MED13L: variants seen among roughly 807,000 people sequenced by gnomAD.
MED13L encodes mediator of RNA polymerase II transcription subunit 13-like.
A neutral mutation model predicts 220.9 loss-of-function variants in MED13L; 7 were observed. That is an observed-to-expected ratio of 0.03 (90% CI 0.02 to 0.06). MED13L has a LOEUF of 0.06. Ranked by LOEUF, MED13L falls within the 10% of genes least tolerant of loss-of-function variation. The pLI, the probability that MED13L is intolerant of heterozygous loss-of-function variation, is 1.00. For synonymous variants in MED13L, 1,011 were observed against 1,015.2 expected (o/e 1.00, Z 0.08); for missense variants, 1,965 against 2,760.5 (o/e 0.71, Z 6.46).
At chr12:116,089,275 C>T (rs1871981676) in intron 4 of MED13L, among the ~76,000 whole-genome samples, 3 of 152,132 alleles carry the variant, frequency 2.0e-5, no homozygotes, top group Non-Finnish European at 4.4e-5. Flanking sequence ...GACTTGAACT[C>T]CTGAACTCCT....
At chr12:116,111,301 T>C (rs745820979) in intron 3 of MED13L, 127 bp downstream of exon 3, 1 of 772,394 alleles carries the variant, frequency 1.3e-6, no homozygotes, top group Non-Finnish European at 2.2e-6. Flanking sequence ...AACTAAAGAT[T>C]TATGTAATTT....
chr12:116,031,601 G>GAGAGA (rs1022764697), intron 4 of MED13L, among the ~76,000 whole-genome samples: 2 of 107,302 alleles, frequency 1.9e-5, no homozygotes, highest in Non-Finnish European at 3.6e-5. Flanking sequence ...AAAAAAAGAA[G>GAGAGA]AGAGAAGAGA....
chr12:116,271,904 A>G (rs555049230), intron 1 of MED13L, among the ~76,000 whole-genome samples: 1 of 151,880 alleles, frequency 6.6e-6, no homozygotes, highest in African/African-American at 2.4e-5. Flanking sequence ...TTTCAAAAAA[A>G]ACACACACAC....
intron 9 of MED13L, among the ~76,000 whole-genome samples, chr12:116,010,142 A>C (rs533359561): frequency 6.6e-6 from 1 of 152,282 alleles, no homozygotes; most frequent in African/African-American, 2.4e-5. Flanking sequence ...GCCATTAAAG[A>C]GTGGAAGGAG....
chr12:115,983,351 G>A lies in MED13L; in HGVS notation c.4721C>T (p.Ala1574Val). 1.2e-6 allele frequency: 2 copies of A among 1,614,202 alleles called. No homozygotes were observed. The highest frequency in any genetic ancestry group is 1.7e-6 in the Non-Finnish European group (2 of 1,180,024). The part of the protein sequence containing the change: ...PTSNSSSTNP[A>V]ASSSASGSSV... ...GGAACCAGATGCAGAACTACTTGCTGCAGGATTTGTAGAACTACTATTCGA... is the reference window on the plus strand; with the variant it reads ...GGAACCAGATGCAGAACTACTTGCTACAGGATTTGTAGAACTACTATTCGA... Residue 1574 changes from alanine to valine, a missense_variant, in exon 21 of 31, where the codon GCA becomes GTA. Physicochemically the swap from Ala to Val is moderately conservative, Grantham distance 64. This residue lies in a region of MED13L where 510 missense variants were observed against 620.4 expected (regional missense o/e 0.82). Coordinates refer to ENST00000281928, the MANE Select transcript of MED13L (RefSeq NM_015335.5).
At chr12:116,236,494 T>C (rs1409276636) in intron 2 of MED13L, among the ~76,000 whole-genome samples, 1 of 151,940 alleles carries the variant, frequency 6.6e-6, no homozygotes, top group Non-Finnish European at 1.5e-5. Flanking sequence ...CAGTTAGTTT[T>C]ACTCCTTCCT....
intron 4 of MED13L, among the ~76,000 whole-genome samples, chr12:116,051,893 GA>G (rs1456551838): frequency 3.3e-5 from 5 of 152,146 alleles, no homozygotes; most frequent in African/African-American, 1.2e-4. Flanking sequence ...CAAGCTGACT[GA>G]TATGAATGCA....
chr12:116,087,498 C>A (rs1871797097), intron 4 of MED13L, among the ~76,000 whole-genome samples: 1 of 152,148 alleles, frequency 6.6e-6, no homozygotes, highest in Non-Finnish European at 1.5e-5. Context: ...ACAATGCTTT[C>A]CCCCTGCTGC....
At chr12:116,053,646 G>A (rs1346484152) in intron 4 of MED13L, among the ~76,000 whole-genome samples, 1 of 152,118 alleles carries the variant, frequency 6.6e-6, no homozygotes, top group Non-Finnish European at 1.5e-5. Context: ...AGGAAGGGGA[G>A]GGAGCTAAAG....
chr12:116,010,637 T>C (rs1401445219), intron 9 of MED13L, among the ~76,000 whole-genome samples: 2 of 151,966 alleles, frequency 1.3e-5, no homozygotes, highest in African/African-American at 4.8e-5. Flanking sequence ...CGGCACACTA[T>C]ATGGGTGACT....
At chr12:116,104,325 A>AATCACCTCTATTGC (rs1362366509) in intron 3 of MED13L, among the ~76,000 whole-genome samples, 1 of 151,988 alleles carries the variant, frequency 6.6e-6, no homozygotes, top group Admixed American at 6.6e-5. Context: ...GCCCTTTGAT[A>AATCACCTCTATTGC]ATCACCTCTA....
At chr12:116,218,651 T>C (rs1167687397) in intron 2 of MED13L, among the ~76,000 whole-genome samples, 1 of 151,854 alleles carries the variant, frequency 6.6e-6, no homozygotes, top group South Asian at 2.1e-4. Context: ...CTTCTCCAAA[T>C]AACCCAACAC....
rs141981322 is a variant in MED13L at position 116,020,228 on chromosome 12, T to C, written c.626-256A>G. ...GATGCTCCCGCCTTAGCCACAAAAG[T>C]ATGATATTTTGAAGTTTCTTGTTTT... On this transcript the variant is annotated intron_variant, in intron 5 of 30. Transcript: ENST00000281928. 4.5e-4 allele frequency among the ~76,000 whole-genome samples: 68 copies of C among 152,322 alleles called. 1 individual carries two copies. The East Asian group carries it at 0.013, about 28-fold the overall frequency.
chr12:116,163,644 G>A (rs1879047908), intron 2 of MED13L, among the ~76,000 whole-genome samples: 1 of 152,064 alleles, frequency 6.6e-6, no homozygotes, highest in African/African-American at 2.4e-5. Context: ...ATTACACTGT[G>A]CCTGGCCAAG....
intron 2 of MED13L, among the ~76,000 whole-genome samples, chr12:116,165,863 T>C (rs1211491309): frequency 1.4e-4 from 21 of 152,202 alleles, no homozygotes; most frequent in Admixed American, 1.4e-3. Flanking sequence ...TAGCCCTATC[T>C]GCCCTCAGGT....
At chr12:115,978,444 A>G (rs1283311635) in intron 23 of MED13L, among the ~76,000 whole-genome samples, 1 of 150,076 alleles carries the variant, frequency 6.7e-6, no homozygotes, top group Non-Finnish European at 1.5e-5. Context: ...CTCCCGCCTC[A>G]GCTTCCCAAG....
At chr12:116,250,574 A>G (rs1177395241) in intron 1 of MED13L, among the ~76,000 whole-genome samples, 1 of 149,154 alleles carries the variant, frequency 6.7e-6, no homozygotes, top group East Asian at 2.0e-4. Context: ...GACCAGCCTG[A>G]CCAATATGGT....
intron 2 of MED13L, among the ~76,000 whole-genome samples, chr12:116,234,629 T>A (rs1385700364): frequency 1.3e-5 from 2 of 152,118 alleles, no homozygotes; most frequent in Admixed American, 6.6e-5. Flanking sequence ...TGCTTAACAT[T>A]AAAGCCTGCT....
chr12:116,031,974 C>T (rs536127769), intron 4 of MED13L, among the ~76,000 whole-genome samples: 1 of 151,860 alleles, frequency 6.6e-6, no homozygotes, highest in African/African-American at 2.4e-5. Context: ...AGTTGTACTC[C>T]TACAAAAAAC....
Sources: allele counts gnomAD v4.1 joint callset (sites outside exome capture counted in the v4.1 genomes callset), GRCh38; gene constraint gnomAD v4.1.1; regional missense constraint gnomAD v4.1.1; transcripts MANE v1.5; gene names NCBI Gene and HGNC (gene_info 2026-07-23, HGNC 2026-07-21).